LUZP2: variants seen among roughly 807,000 people sequenced by gnomAD.
LUZP2 encodes leucine zipper protein 2.
LUZP2 carries 52 observed loss-of-function variants against 51.6 expected under a neutral mutation model. The ratio of observed to expected loss-of-function variants is 1.01; its 90% CI spans 0.81 to 1.27. LUZP2 has a LOEUF of 1.27. Ranked by LOEUF, LUZP2 falls within the 50% of genes most tolerant of loss-of-function variation. The probability of loss-of-function intolerance (pLI) is 0.00; values close to 1 mark genes in which losing one functional copy is unlikely to be tolerated. For synonymous variants in LUZP2, 154 were observed against 137.3 expected (o/e 1.12, Z -0.85); for missense variants, 436 against 395.4 (o/e 1.10, Z -0.87).
intron 5 of LUZP2, among the ~76,000 whole-genome samples, chr11:24,846,591 GA>G (rs1385240262): frequency 6.6e-6 from 1 of 152,074 alleles, no homozygotes; most frequent in East Asian, 1.9e-4. Context: ...GTCTATTAAA[GA>G]GAATGAATCT....
intron 5 of LUZP2, among the ~76,000 whole-genome samples, chr11:24,864,589 C>T (rs142050813): frequency 1.1e-4 from 17 of 152,210 alleles, no homozygotes; most frequent in African/African-American, 3.6e-4. Context: ...AGGCTGTGTC[C>T]GCATGGTGGC....
intron 1 of LUZP2, among the ~76,000 whole-genome samples, chr11:24,689,680 A>T (rs559738020): frequency 6.6e-6 from 1 of 152,284 alleles, no homozygotes; most frequent in African/African-American, 2.4e-5. Context: ...TTTAACAGAC[A>T]GACCTTTATC....
chr11:24,970,269 C>A (rs568404180), intron 7 of LUZP2, among the ~76,000 whole-genome samples: 1 of 152,190 alleles, frequency 6.6e-6, no homozygotes, highest in African/African-American at 2.4e-5. Context: ...GCATCCCCTA[C>A]CCTACCTTTA....
intron 1 of LUZP2, among the ~76,000 whole-genome samples, chr11:24,503,764 G>A (rs1174946082): frequency 1.3e-5 from 2 of 152,164 alleles, no homozygotes; most frequent in Non-Finnish European, 2.9e-5. Flanking sequence ...ATTCTGTTCT[G>A]TTATGTGAAT....
At chr11:24,683,715 C>A (rs1856815223) in intron 1 of LUZP2, among the ~76,000 whole-genome samples, 1 of 152,136 alleles carries the variant, frequency 6.6e-6, no homozygotes, top group East Asian at 1.9e-4. Flanking sequence ...ATTTATATTT[C>A]TCTTCAATGG....
At chr11:24,928,891 C>T (rs1854360496) in intron 7 of LUZP2, among the ~76,000 whole-genome samples, 1 of 151,940 alleles carries the variant, frequency 6.6e-6, no homozygotes, top group Non-Finnish European at 1.5e-5. Flanking sequence ...TATTTTATTA[C>T]AATTTCCGTT....
intron 1 of LUZP2, among the ~76,000 whole-genome samples, chr11:24,688,014 T>C (rs1856947778): frequency 6.6e-6 from 1 of 152,086 alleles, no homozygotes; most frequent in African/African-American, 2.4e-5. Context: ...GCTCTCTGTC[T>C]CTCTTTCTCT....
At chr11:24,927,673 G>T (rs1295545488) in intron 7 of LUZP2, among the ~76,000 whole-genome samples, 1 of 152,044 alleles carries the variant, frequency 6.6e-6, no homozygotes, top group African/African-American at 2.4e-5. Flanking sequence ...CAGGTAATGT[G>T]GTGCCTCCAG....
In LUZP2 at chr11:24,769,416, C is replaced by T. The variant is rs1454256847; in HGVS notation, c.396+6108C>T. On this transcript the variant is annotated intron_variant, in intron 5 of 11. Coordinates refer to ENST00000336930, the MANE Select transcript of LUZP2 (RefSeq NM_001009909.4). The stretch of plus-strand genomic sequence containing the variant: ...TGTTCTCACCACAAGGAAATAACAA[C>T]TCTTTGAGGTGATAGATATGCTGAT... 1.3e-5 allele frequency among the ~76,000 whole-genome samples: 2 copies of T among 152,134 alleles called. 1 individual carries two copies. The highest frequency in any genetic ancestry group is 4.8e-5 in the African/African-American group (2 of 41,446).
At chr11:24,629,811 A>G (rs1854815983) in intron 1 of LUZP2, among the ~76,000 whole-genome samples, 1 of 151,894 alleles carries the variant, frequency 6.6e-6, no homozygotes, top group Non-Finnish European at 1.5e-5. Flanking sequence ...TTTTCCCAAA[A>G]TAGTGTATAA....
intron 1 of LUZP2, among the ~76,000 whole-genome samples, chr11:24,614,065 T>C (rs542982280): frequency 1.4e-4 from 22 of 152,142 alleles, no homozygotes; most frequent in Middle Eastern, 6.8e-3. Flanking sequence ...TCCAGTACCA[T>C]AGCACTTGTC....
chr11:24,820,226 G>C (rs1564937800), intron 5 of LUZP2, among the ~76,000 whole-genome samples: 1 of 152,114 alleles, frequency 6.6e-6, no homozygotes, highest in East Asian at 1.9e-4. Context: ...CAGGGAGGTG[G>C]CACTGGTGCC....
At chr11:24,852,716 T>C (rs1388458393) in intron 5 of LUZP2, among the ~76,000 whole-genome samples, 1 of 151,994 alleles carries the variant, frequency 6.6e-6, no homozygotes, top group African/African-American at 2.4e-5. Flanking sequence ...TAAGTCTTTT[T>C]GTAGGCCTCT....
intron 7 of LUZP2, among the ~76,000 whole-genome samples, chr11:24,924,680 G>A (rs1396763324): frequency 1.3e-5 from 2 of 152,148 alleles, no homozygotes; most frequent in African/African-American, 2.4e-5. Flanking sequence ...TTGAGCTACA[G>A]CTTGGTTTTA....
chr11:24,921,240 A>T (rs1010250071), intron 7 of LUZP2, among the ~76,000 whole-genome samples: 3 of 152,118 alleles, frequency 2.0e-5, no homozygotes, highest in African/African-American at 7.2e-5. Context: ...GAGGAACCAC[A>T]TGTGCGGCAG....
chr11:24,905,953 G>T (rs753206573), intron 5 of LUZP2, 38 bp from the exon 6 acceptor site: 3 of 1,416,416 alleles, frequency 2.1e-6, no homozygotes, highest in Non-Finnish European at 3.0e-6. Context: ...TTAATATTTT[G>T]TCTCTTCTTT....
intron 7 of LUZP2, among the ~76,000 whole-genome samples, chr11:24,958,580 AC>A (rs1855283464): frequency 2.0e-5 from 3 of 151,450 alleles, no homozygotes; most frequent in Middle Eastern, 3.4e-3. Flanking sequence ...CATGTCCTTC[AC>A]CCACTTTTTG....
intron 5 of LUZP2, among the ~76,000 whole-genome samples, chr11:24,798,253 T>G (rs1849602880): frequency 2.0e-5 from 3 of 152,106 alleles, no homozygotes; most frequent in Admixed American, 2.0e-4. Flanking sequence ...GATCTCACTC[T>G]TTTGCCCGGG....
At chr11:24,549,555 T>G (rs1402182543) in intron 1 of LUZP2, among the ~76,000 whole-genome samples, 1 of 152,086 alleles carries the variant, frequency 6.6e-6, no homozygotes, top group Non-Finnish European at 1.5e-5. Flanking sequence ...TATACATAAC[T>G]GTATGTGCAA....
Sources: gnomAD v4.1 joint callset for allele counts (sites outside exome capture counted in the v4.1 genomes callset) on GRCh38, gnomAD v4.1.1 for gene constraint, MANE v1.5 for transcripts, NCBI Gene and HGNC (gene_info 2026-07-23, HGNC 2026-07-21) for gene names.